PRKCA: variants seen among roughly 807,000 people sequenced by gnomAD.
PRKCA encodes protein kinase C alpha.
PRKCA carries 27 observed loss-of-function variants against 87.0 expected under a neutral mutation model. The ratio of observed to expected loss-of-function variants is 0.31; its 90% CI spans 0.23 to 0.43. PRKCA has a LOEUF of 0.43. Among genes scored for constraint, PRKCA ranks in the 20% least tolerant of loss-of-function variants. PRKCA has a pLI of 1.00. For synonymous variants in PRKCA, 329 were observed against 311.1 expected, an observed-to-expected ratio of 1.06 and a Z score of -0.61; for missense variants, 518 against 852.3, an observed-to-expected ratio of 0.61 and a Z score of 4.88.
At chr17:66,588,255 T>G (rs188035187) in intron 3 of PRKCA, among the ~76,000 whole-genome samples, 5 of 152,276 alleles carry the variant, frequency 3.3e-5, no homozygotes, top group Admixed American at 3.3e-4. Context: ...CAGTGTTGCT[T>G]CTTCTGTGAA....
chr17:66,316,649 A>G (rs1045753919), intron 2 of PRKCA, among the ~76,000 whole-genome samples: 5 of 152,110 alleles, frequency 3.3e-5, no homozygotes, highest in African/African-American at 9.7e-5. Flanking sequence ...CCTGGTTTAA[A>G]AAGTGTGCTA....
At chr17:66,659,943 G>T (rs562043657) in intron 5 of PRKCA, among the ~76,000 whole-genome samples, 10 of 152,274 alleles carry the variant, frequency 6.6e-5, no homozygotes, top group Middle Eastern at 3.4e-3. Flanking sequence ...AGGCGGGAAG[G>T]TGGAGGTTAC....
intron 2 of PRKCA, among the ~76,000 whole-genome samples, chr17:66,449,841 G>A (rs932755672): frequency 3.3e-5 from 5 of 152,126 alleles, no homozygotes; most frequent in Admixed American, 1.3e-4. Context: ...ACGGCCTCAG[G>A]TGTAGGCAGC....
rs971928252 is a variant in PRKCA, at chr17:66,582,027, A to G, written c.289-59328A>G. 2.6e-5 allele frequency among the ~76,000 whole-genome samples: 4 copies of G among 152,166 alleles called. No homozygotes were observed. In the East Asian group the frequency reaches 7.7e-4, roughly 29 times the overall value. ...TATTTGTGAACAGAACCCCATCTGA[A>G]GAGTCACGGAGGATCCTAGTTGGTC... On this transcript the variant is annotated intron_variant, in intron 3 of 16. Transcript: ENST00000413366.
At chr17:66,661,298 TG>T (rs1287142239) in intron 5 of PRKCA, among the ~76,000 whole-genome samples, 3 of 52,438 alleles carry the variant, frequency 5.7e-5, no homozygotes, top group Non-Finnish European at 7.2e-5. Context: ...AGGGCAGATA[TG>T]GGGTGGGGTG....
At chr17:66,350,225 C>G (rs1433463954) in intron 2 of PRKCA, among the ~76,000 whole-genome samples, 1 of 152,026 alleles carries the variant, frequency 6.6e-6, no homozygotes, top group Admixed American at 6.6e-5. Context: ...GGAAAACGAG[C>G]TTGGATGCTC....
chr17:66,315,786 G>GT (rs1008990292), intron 2 of PRKCA, among the ~76,000 whole-genome samples: 9 of 152,138 alleles, frequency 5.9e-5, no homozygotes, highest in Admixed American at 5.2e-4. Flanking sequence ...AGCCGGAAGT[G>GT]TTTTTTCAAT....
chr17:66,312,129 A>T (rs566239643), intron 2 of PRKCA, among the ~76,000 whole-genome samples: 1 of 152,210 alleles, frequency 6.6e-6, no homozygotes, highest in East Asian at 1.9e-4. Context: ...TTACAGATGC[A>T]TGCCACCATG....
intron 2 of PRKCA, among the ~76,000 whole-genome samples, chr17:66,495,677 T>C (rs1313549926): frequency 6.6e-6 from 1 of 151,818 alleles, no homozygotes; most frequent in East Asian, 1.9e-4. Context: ...CTCAACCTCC[T>C]GAGTAGCTGG....
chr17:66,447,716 A>G (rs1260793367), intron 2 of PRKCA, among the ~76,000 whole-genome samples: 1 of 152,218 alleles, frequency 6.6e-6, no homozygotes, highest in Non-Finnish European at 1.5e-5. Context: ...GTGGTTTCCA[A>G]CAGCCTCCAG....
chr17:66,738,829 A>C lies in PRKCA; in HGVS notation c.1296A>C (p.Val432=). 1 of 1,613,902 alleles carries C rather than the reference A, an allele frequency of 6.2e-7. No individual in the cohort carries two copies. Among genetic ancestry groups the C allele is most frequent in the Non-Finnish European group, 8.5e-7 (1 of 1,179,844 alleles). ...ACCTCATGTACCACATTCAGCAAGTAGGAAAATTTAAGGAACCACAAGCAG... is the reference window on the plus strand; with the variant it reads ...ACCTCATGTACCACATTCAGCAAGTCGGAAAATTTAAGGAACCACAAGCAG... ...GGDLMYHIQQ[V]GKFKEPQAVF... Residue 432 remains valine, a synonymous_variant, in exon 11 of 17, where the codon GTA becomes GTC. Transcript: ENST00000413366.
At chr17:66,625,688 T>C (rs1420806540) in intron 3 of PRKCA, among the ~76,000 whole-genome samples, 2 of 152,234 alleles carry the variant, frequency 1.3e-5, no homozygotes, top group Admixed American at 6.5e-5. Context: ...CTATCCTATG[T>C]ATCACTATTT....
chr17:66,560,651 A>G (rs1968649915), intron 3 of PRKCA, among the ~76,000 whole-genome samples: 1 of 152,192 alleles, frequency 6.6e-6, no homozygotes, highest in Non-Finnish European at 1.5e-5. Flanking sequence ...ATAATGTACC[A>G]AACACTTTGT....
At chr17:66,439,830 A>G (rs2143867033) in intron 2 of PRKCA, among the ~76,000 whole-genome samples, 1 of 152,320 alleles carries the variant, frequency 6.6e-6, no homozygotes, top group Admixed American at 6.5e-5. Context: ...TACCTTAAGG[A>G]CCTGGATAGC....
intron 2 of PRKCA, among the ~76,000 whole-genome samples, chr17:66,434,230 A>G (rs906754583): frequency 1.3e-5 from 2 of 150,260 alleles, no homozygotes; most frequent in African/African-American, 4.9e-5. Flanking sequence ...GCATCCTTTA[A>G]TGGGGGCTGG....
chr17:66,418,659 T>A (rs867487776), intron 2 of PRKCA, among the ~76,000 whole-genome samples: 10 of 152,026 alleles, frequency 6.6e-5, no homozygotes, highest in Admixed American at 3.9e-4. Flanking sequence ...GTGGCCTCGA[T>A]CTCCTGACCT....
At chr17:66,452,623 A>G (rs1914380213) in intron 2 of PRKCA, among the ~76,000 whole-genome samples, 1 of 152,030 alleles carries the variant, frequency 6.6e-6, no homozygotes, top group African/African-American at 2.4e-5. Context: ...TGCACCTGTG[A>G]TGAAAACAAC....
At chr17:66,414,343 C>T (rs182620307) in intron 2 of PRKCA, among the ~76,000 whole-genome samples, 1 of 152,264 alleles carries the variant, frequency 6.6e-6, no homozygotes, top group East Asian at 1.9e-4. Flanking sequence ...CTCTTTCTTC[C>T]TCCTGCTTCT....
At chr17:66,653,039 G>A (rs1443398987) in intron 5 of PRKCA, among the ~76,000 whole-genome samples, 1 of 152,082 alleles carries the variant, frequency 6.6e-6, no homozygotes, top group Non-Finnish European at 1.5e-5. Flanking sequence ...CGTTAAACAG[G>A]TGAGTCACTG....
Sources: gnomAD v4.1 joint callset for allele counts (sites outside exome capture counted in the v4.1 genomes callset) on GRCh38, gnomAD v4.1.1 for gene constraint, MANE v1.5 for transcripts, NCBI Gene and HGNC (gene_info 2026-07-23, HGNC 2026-07-21) for gene names.